The following MED26 variants were observed in gnomAD, a reference collection of about 807,000 sequenced individuals.
The protein encoded by MED26 is mediator complex subunit 26, also known as mediator of RNA polymerase II transcription subunit 26.
A neutral mutation model predicts 43.7 loss-of-function variants in MED26; 7 were observed. The observed-to-expected ratio is 0.16, with a 90% CI of 0.09 to 0.30. The LOEUF (loss-of-function observed/expected upper bound fraction) is 0.30, where lower values mean the gene tolerates loss of function less well. Among genes scored for constraint, MED26 ranks in the 10% least tolerant of loss-of-function variants. The pLI, the probability that MED26 is intolerant of heterozygous loss-of-function variation, is 1.00. For synonymous variants in MED26, 375 were observed against 371.1 expected (o/e 1.01, Z -0.12); for missense variants, 784 against 840.6 (o/e 0.93, Z 0.83).
At chr19:16,619,731 C>A (rs1329776468) in intron 1 of MED26, among the ~76,000 whole-genome samples, 1 of 152,160 alleles carries the variant, frequency 6.6e-6, no homozygotes, top group Non-Finnish European at 1.5e-5. Flanking sequence ...AGAACCCCCA[C>A]CAGAGTCAAG....
chr19:16,627,810 G>A (rs905453508), intron 1 of MED26, 62 bp downstream of exon 1: 5 of 1,285,066 alleles, frequency 3.9e-6, no homozygotes, highest in Non-Finnish European at 4.2e-6. Flanking sequence ...GAGGGGTACA[G>A]GAGAGGGGGA....
intron 1 of MED26, chr19:16,611,397 C>T (rs972333447): frequency 1.3e-5 from 2 of 150,358 alleles, no homozygotes; most frequent in Non-Finnish European, 2.9e-5. Context: ...CTGAACCTTC[C>T]GGAAACGTAT....
At chr19:16,626,224 A>G (rs1568293186) in intron 1 of MED26, among the ~76,000 whole-genome samples, 1 of 152,080 alleles carries the variant, frequency 6.6e-6, no homozygotes, top group Non-Finnish European at 1.5e-5. Context: ...TATCTCAGCA[A>G]CCTCTCAGAC....
chr19:16,581,825 G>C (rs2122385391), intron 1 of MED26, among the ~76,000 whole-genome samples: 1 of 152,380 alleles, frequency 6.6e-6, no homozygotes, highest in East Asian at 1.9e-4. Context: ...AGCGTGTGCA[G>C]AGAGGCCTTC....
chr19:16,619,944 C>G (rs2086244037), intron 1 of MED26, among the ~76,000 whole-genome samples: 1 of 152,172 alleles, frequency 6.6e-6, no homozygotes, highest in African/African-American at 2.4e-5. Flanking sequence ...CAAAAAAGGC[C>G]GAAGGATCGC....
rs2086013135 is a variant in MED26, at chr19:16,577,228, T to C, written c.602A>G (p.His201Arg). Residue 201 changes from histidine to arginine, a missense_variant, in exon 3 of 3, where the codon CAT becomes CGT. Coordinates refer to ENST00000263390, the MANE Select transcript of MED26 (RefSeq NM_004831.5). The surrounding 1 kb of genome is among the most constrained non-coding windows in gnomAD (Gnocchi z 8.1). Reference sequence around the variant, plus strand: ...CAGGCGGCTGCCCTCTGGGCCTGCATGCCCACTGCCATCCAGGGAGCTGGC... The same window carrying C: ...CAGGCGGCTGCCCTCTGGGCCTGCACGCCCACTGCCATCCAGGGAGCTGGC... Reference protein sequence around the residue: ...SFASSLDGSGHAGPEGSRLER... With the variant: ...SFASSLDGSGRAGPEGSRLER... 5.0e-6 allele frequency: 8 copies of C among 1,613,144 alleles called. No individual in the cohort carries two copies. In the East Asian group the frequency reaches 1.8e-4, roughly 36 times the overall value.
intron 1 of MED26, among the ~76,000 whole-genome samples, chr19:16,627,360 C>A (rs2086283901): frequency 3.9e-5 from 6 of 152,170 alleles, no homozygotes; most frequent in Admixed American, 3.9e-4. Context: ...GGGGTTCTCT[C>A]CGAAGCCAGG....
chr19:16,623,532 T>C (rs545237589), intron 1 of MED26, among the ~76,000 whole-genome samples: 1 of 152,326 alleles, frequency 6.6e-6, no homozygotes, highest in East Asian at 1.9e-4. Context: ...CATCGGTTGC[T>C]AGTTGCCACA....
Position 16,577,113 on chromosome 19 carries a change from A to G in MED26, c.717T>C (p.Pro239=). ...AAGCCTTTGGCTGCAAGCAGGGTCCAGGGGGCTTGCCCAGGCCCGGGGAGC... is the reference window on the plus strand; with the variant it reads ...AAGCCTTTGGCTGCAAGCAGGGTCCGGGGGGCTTGCCCAGGCCCGGGGAGC... ...HTSSPGLGKP[P]GPCLQPKASV... The change falls in exon 3 of 3, where the codon CCT becomes CCC. Residue 239 remains proline, a synonymous_variant. Coordinates refer to ENST00000263390, the MANE Select transcript of MED26 (RefSeq NM_004831.5). The surrounding 1 kb of genome is among the most constrained non-coding windows in gnomAD (Gnocchi z 8.1). 1.2e-6 allele frequency: 2 copies of G among 1,613,056 alleles called. No homozygotes were observed. The highest frequency in any genetic ancestry group is 1.7e-6 in the Non-Finnish European group (2 of 1,179,738).
intron 1 of MED26, among the ~76,000 whole-genome samples, chr19:16,591,646 C>G (rs1425055569): frequency 6.6e-6 from 1 of 152,174 alleles, no homozygotes; most frequent in Non-Finnish European, 1.5e-5. Context: ...GGTGAAGGAA[C>G]CAACTTCCTA....
intron 1 of MED26, among the ~76,000 whole-genome samples, chr19:16,619,651 C>T (rs1247861136): frequency 2.0e-5 from 3 of 152,148 alleles, no homozygotes; most frequent in African/African-American, 4.8e-5. Context: ...ACTGGGCTCT[C>T]GGTGTGGGCC....
At chr19:16,580,020 C>T (rs554602667) in intron 1 of MED26, among the ~76,000 whole-genome samples, 6 of 152,314 alleles carry the variant, frequency 3.9e-5, no homozygotes, top group Admixed American at 1.3e-4. Context: ...CACTTAGGCA[C>T]TTTCCGTCCG....
intron 1 of MED26, chr19:16,588,375 T>C (rs568018330): frequency 6.6e-6 from 1 of 152,442 alleles, no homozygotes; most frequent in South Asian, 2.1e-4. Flanking sequence ...ACGAGCCAGC[T>C]TTTCAGGAAT....
rs1456240390 is a variant in MED26, at chr19:16,577,488, C to T, written c.342G>A (p.Glu114=). Residue 114 remains glutamate (E), a synonymous_variant, in exon 3 of 3, where the codon GAG becomes GAA. Coordinates refer to ENST00000263390, the MANE Select transcript of MED26 (RefSeq NM_004831.5). This position sits in a 1 kb window ranked among gnomAD's most constrained non-coding sequence, Gnocchi z 8.1. The part of the protein sequence containing the change: ...ANGGAHNCRP[E]VGAAGPPRSI... ...TCCTGGGTGGGCCAGCCGCCCCCAC[C>T]TCCGGCCGGCAGTTGTGTGCGCCCC... 6.3e-7 allele frequency: 1 copy of T among 1,589,802 alleles called. No homozygotes were observed. The highest frequency in any genetic ancestry group is 1.1e-5 in the South Asian group (1 of 90,160).
intron 1 of MED26, among the ~76,000 whole-genome samples, chr19:16,580,547 T>C (rs962356570): frequency 1.3e-5 from 2 of 152,084 alleles, no homozygotes; most frequent in Admixed American, 6.5e-5. Flanking sequence ...TTTTGTATTT[T>C]TTTTTAGTAG....
rs1190301782 is a variant in MED26, at chr19:16,575,905, CT to C, written c.*121del. ...GTGACTCCCGCCCCCTCCCTCCCGC[CT>C]GGGCCGGACTCCCCGAGTTCCCAGC... is the stretch of plus-strand genomic sequence containing the variant. On this transcript the variant is annotated 3_prime_UTR_variant, in exon 3 of 3. Transcript: ENST00000263390. The C allele has an allele frequency of 2.4e-6, 2 of 838,942 alleles. No homozygotes were observed. Among genetic ancestry groups the C allele is most frequent in the African/African-American group, 1.7e-5 (1 of 58,482 alleles). 52.0% of individuals were successfully genotyped at this position (838,942 alleles called of 1,614,324 possible).
chr19:16,597,464 A>G, intron 1 of MED26: 1 of 398,680 alleles, frequency 2.5e-6, no homozygotes, highest in Non-Finnish European at 4.4e-6. Context: ...CTAAACAGGT[A>G]ACATTTAAGG....
intron 1 of MED26, among the ~76,000 whole-genome samples, chr19:16,619,666 G>A (rs2086242548): frequency 6.6e-6 from 1 of 152,064 alleles, no homozygotes; most frequent in Non-Finnish European, 1.5e-5. Flanking sequence ...TGGGCCATGG[G>A]TCACACCCAC....
In MED26 at chr19:16,575,966, CTGCCTG is replaced by C; in HGVS notation, c.*55_*60del. On this transcript the variant is annotated 3_prime_UTR_variant, in exon 3 of 3. Coordinates refer to ENST00000263390, the MANE Select transcript of MED26 (RefSeq NM_004831.5). ...AGCTGGGCCCCGGCCACCTGCCCAC[CTGCCTG>C]CCCGCCCACCCGGCTTCTGCAAGAT... 6.6e-7 allele frequency: 1 copy of C among 1,522,462 alleles called. No homozygotes were observed. The highest frequency in any genetic ancestry group is 1.3e-5 in the South Asian group (1 of 79,412). 94.3% of individuals were successfully genotyped at this position (1,522,462 alleles called of 1,614,324 possible).
Sources: gnomAD v4.1 joint callset for allele counts (sites outside exome capture counted in the v4.1 genomes callset) on GRCh38, gnomAD v4.1.1 for gene constraint, Gnocchi (gnomAD v3.1) non-coding constraint, MANE v1.5 for transcripts, NCBI Gene and HGNC (gene_info 2026-07-23, HGNC 2026-07-21) for gene names.